NTNG1: variants seen among roughly 807,000 people sequenced by gnomAD.
NTNG1 encodes netrin-G1.
NTNG1 carries 16 observed loss-of-function variants against 54.0 expected under a neutral mutation model. That is an observed-to-expected ratio of 0.30 (90% CI 0.20 to 0.45). The LOEUF (loss-of-function observed/expected upper bound fraction) is 0.45, where lower values mean the gene tolerates loss of function less well. NTNG1 is among the 20% of genes least tolerant of loss of function. The pLI, the probability that NTNG1 is intolerant of heterozygous loss-of-function variation, is 1.00. For synonymous variants in NTNG1, 255 were observed against 263.1 expected, an observed-to-expected ratio of 0.97 and a Z score of 0.30; for missense variants, 530 against 678.7, an observed-to-expected ratio of 0.78 and a Z score of 2.43.
intron 2 of NTNG1, among the ~76,000 whole-genome samples, chr1:107,304,691 C>T (rs1358488174): frequency 1.3e-5 from 2 of 151,546 alleles, no homozygotes; most frequent in Non-Finnish European, 2.9e-5. Flanking sequence ...CTCTCTCTGT[C>T]CTTCCCAACC....
At chr1:107,405,350 A>G (rs1345401600) in intron 4 of NTNG1, among the ~76,000 whole-genome samples, 1 of 152,208 alleles carries the variant, frequency 6.6e-6, no homozygotes, top group African/African-American at 2.4e-5. Context: ...AGGAATAGAA[A>G]AAATGACTCA....
At chr1:107,258,918 A>C (rs936486521) in intron 2 of NTNG1, among the ~76,000 whole-genome samples, 2 of 152,190 alleles carry the variant, frequency 1.3e-5, no homozygotes, top group East Asian at 3.8e-4. Flanking sequence ...GAGAAAGGAA[A>C]AAAAAGTAAG....
chr1:107,416,487 C>A (rs17018958), intron 5 of NTNG1, among the ~76,000 whole-genome samples: 2 of 151,690 alleles, frequency 1.3e-5, no homozygotes, highest in African/African-American at 4.8e-5. Flanking sequence ...AATTTGAAAG[C>A]AGAATGGCCT....
At chr1:107,335,978 G>A (rs988416159) in intron 3 of NTNG1, among the ~76,000 whole-genome samples, 42 of 151,884 alleles carry the variant, frequency 2.8e-4, no homozygotes, top group African/African-American at 9.9e-4. Context: ...TGGATTGGAA[G>A]TCAATGTTGC....
intron 2 of NTNG1, among the ~76,000 whole-genome samples, chr1:107,165,445 T>C (rs558440588): frequency 2.0e-5 from 3 of 152,208 alleles, no homozygotes; most frequent in Non-Finnish European, 4.4e-5. Context: ...TTTAAGTTAA[T>C]TAAAGAGCAA....
intron 2 of NTNG1, among the ~76,000 whole-genome samples, chr1:107,174,596 T>C (rs1656500336): frequency 6.6e-6 from 1 of 152,044 alleles, no homozygotes; most frequent in Admixed American, 6.6e-5. Flanking sequence ...TGACAGCAAT[T>C]AACACAGTGC....
intron 7 of NTNG1, among the ~76,000 whole-genome samples, chr1:107,447,643 G>T (rs1269789300): frequency 1.3e-5 from 2 of 152,208 alleles, no homozygotes; most frequent in South Asian, 4.1e-4. Flanking sequence ...GGAGGAGTTT[G>T]TGCTTCACTT....
At chr1:107,398,110 G>A (rs1557965532) in intron 4 of NTNG1, among the ~76,000 whole-genome samples, 1 of 152,024 alleles carries the variant, frequency 6.6e-6, no homozygotes, top group Non-Finnish European at 1.5e-5. Context: ...CAACTTTTCA[G>A]GGACCTAGAA....
chr1:107,474,420 G>C (rs1026091159), intron 7 of NTNG1, among the ~76,000 whole-genome samples: 1 of 152,190 alleles, frequency 6.6e-6, no homozygotes, highest in African/African-American at 2.4e-5. Flanking sequence ...GTGAGATAAT[G>C]CCAGGATTGT....
At chr1:107,407,762 C>A in intron 5 of NTNG1, 54 bp downstream of exon 5, 2 of 1,447,974 alleles carry the variant, frequency 1.4e-6, no homozygotes, top group South Asian at 1.1e-5. Flanking sequence ...GCTAGCTTTG[C>A]TTTGTTGTTC....
At chr1:107,336,296 A>G (rs563083364) in intron 3 of NTNG1, among the ~76,000 whole-genome samples, 1 of 151,980 alleles carries the variant, frequency 6.6e-6, no homozygotes, top group Non-Finnish European at 1.5e-5. Flanking sequence ...GACAGTCCCA[A>G]AATAAACCCT....
chr1:107,224,464 C>G (rs1316457352), intron 2 of NTNG1, among the ~76,000 whole-genome samples: 1 of 152,178 alleles, frequency 6.6e-6, no homozygotes, highest in Non-Finnish European at 1.5e-5. Flanking sequence ...TATCGTCTTT[C>G]ATGTAATGAG....
Position 107,381,348 on chromosome 1 carries a change from T to TAAAAAAAAA in NTNG1, c.888-13786_888-13778dup, listed in dbSNP as rs10598493. 1.4e-4 allele frequency among the ~76,000 whole-genome samples: 7 copies of TAAAAAAAAA among 51,656 alleles called. 1 individual carries two copies. The highest frequency in any genetic ancestry group is 6.8e-4 in the East Asian group (1 of 1,462). The allele number at this position is 51,656 out of a possible 152,430, so 33.9% of individuals were successfully genotyped here. ...AAAATATAGCACCTTTCTCTTTAACTAAAAAAAAAAAAAAAAAAAAAAAAA... is the reference window on the plus strand; with the variant it reads ...AAAATATAGCACCTTTCTCTTTAACTAAAAAAAAAAAAAAAAAAAAAAAAAAAAAAAAAA... On this transcript the variant is annotated intron_variant, in intron 3 of 7. Transcript: ENST00000370068.
At chr1:107,278,018 A>C (rs1350386013) in intron 2 of NTNG1, among the ~76,000 whole-genome samples, 1 of 152,178 alleles carries the variant, frequency 6.6e-6, no homozygotes, top group Non-Finnish European at 1.5e-5. Context: ...GCTATTAAAA[A>C]CACGTGATTG....
chr1:107,310,950 G>T (rs1257786674), intron 2 of NTNG1, among the ~76,000 whole-genome samples: 1 of 152,044 alleles, frequency 6.6e-6, no homozygotes, highest in Non-Finnish European at 1.5e-5. Context: ...GTGTCTCTGA[G>T]GGGTAAGTTT....
At chr1:107,239,524 G>C (rs868403527) in intron 2 of NTNG1, among the ~76,000 whole-genome samples, 5 of 152,294 alleles carry the variant, frequency 3.3e-5, no homozygotes, top group Middle Eastern at 3.4e-3. Context: ...CTGGAGGATT[G>C]CTGTCTCTTG....
At chr1:107,423,480 A>G (rs1674698948) in intron 5 of NTNG1, among the ~76,000 whole-genome samples, 1 of 151,852 alleles carries the variant, frequency 6.6e-6, no homozygotes, top group African/African-American at 2.4e-5. Flanking sequence ...CCCACACTAG[A>G]CTCTGAAGGC....
intron 2 of NTNG1, among the ~76,000 whole-genome samples, chr1:107,241,473 G>T (rs145784752): frequency 6.6e-6 from 1 of 152,054 alleles, no homozygotes; most frequent in African/African-American, 2.4e-5. Context: ...ACTGAATTCC[G>T]CATTGTGATA....
intron 6 of NTNG1, among the ~76,000 whole-genome samples, chr1:107,434,332 A>G (rs1363707109): frequency 6.6e-6 from 1 of 152,150 alleles, no homozygotes; most frequent in East Asian, 1.9e-4. Context: ...TTACTGGTGA[A>G]TTTGCCCATT....
Sources: gnomAD v4.1 joint callset for allele counts (sites outside exome capture counted in the v4.1 genomes callset) on GRCh38, gnomAD v4.1.1 for gene constraint, MANE v1.5 for transcripts, NCBI Gene and HGNC (gene_info 2026-07-23, HGNC 2026-07-21) for gene names.